ZNF280D: variants seen among roughly 807,000 people sequenced by gnomAD.
ZNF280D encodes suppressor of hairy wing homolog 4.
ZNF280D carries 39 observed loss-of-function variants against 94.7 expected under a neutral mutation model. The observed-to-expected ratio is 0.41, with a 90% CI of 0.32 to 0.54. The LOEUF (loss-of-function observed/expected upper bound fraction) is 0.54, where lower values mean the gene tolerates loss of function less well. Among genes scored for constraint, ZNF280D ranks in the 20% least tolerant of loss-of-function variants. The pLI is 0.22. For missense variants in ZNF280D, 1,090 were observed against 1,149.3 expected, an observed-to-expected ratio of 0.95 and a Z score of 0.75; for synonymous variants, 398 against 377.6, an observed-to-expected ratio of 1.05 and a Z score of -0.63.
chr15:56,656,734 C>T (rs1009377095), intron 17 of ZNF280D, among the ~76,000 whole-genome samples: 7 of 152,050 alleles, frequency 4.6e-5, no homozygotes, highest in Non-Finnish European at 1.0e-4. Context: ...ATGTGCCAGG[C>T]ACAGACAAAA....
intron 9 of ZNF280D, among the ~76,000 whole-genome samples, chr15:56,684,176 T>C (rs1278951207): frequency 6.6e-6 from 1 of 152,122 alleles, no homozygotes; most frequent in African/African-American, 2.4e-5. Context: ...AAAAGCTGTT[T>C]AAACCAGCTA....
intron 9 of ZNF280D, among the ~76,000 whole-genome samples, chr15:56,686,849 T>A (rs1200879818): frequency 6.6e-6 from 1 of 152,110 alleles, no homozygotes; most frequent in Non-Finnish European, 1.5e-5. Flanking sequence ...CTTAAAGAAT[T>A]TTCTAAGGAT....
At position 56,632,972 on chromosome 15, in the gene ZNF280D, C is replaced by CAT. The variant is rs111885858; in HGVS notation, c.2316-852_2316-851dup. 6.4e-4 allele frequency among the ~76,000 whole-genome samples: 97 copies of CAT among 151,698 alleles called. 5 individuals are homozygous for CAT. Among genetic ancestry groups the CAT allele is most frequent in the African/African-American group, 2.2e-3 (90 of 41,360 alleles). ...CTAAGTGTGTGTGCATGTTTGTACA[C>CAT]ATATATATATGTGTGCTTCTGTGTG... On this transcript the variant is annotated intron_variant, in intron 21 of 21. Coordinates refer to ENST00000267807, the MANE Select transcript of ZNF280D (RefSeq NM_017661.4).
chr15:56,688,903 T>C, intron 9 of ZNF280D, 138 bp downstream of exon 9: 1 of 529,984 alleles, frequency 1.9e-6, no homozygotes. Context: ...TATATAATCA[T>C]TATGAATGTA....
At chr15:56,723,507 T>C (rs2141432726) in intron 1 of ZNF280D, among the ~76,000 whole-genome samples, 1 of 152,326 alleles carries the variant, frequency 6.6e-6, no homozygotes, top group East Asian at 1.9e-4. Flanking sequence ...GAACCGTATA[T>C]TTTTAAATGG....
At chr15:56,711,351 C>G (rs2057748930) in intron 1 of ZNF280D, among the ~76,000 whole-genome samples, 1 of 152,130 alleles carries the variant, frequency 6.6e-6, no homozygotes, top group Non-Finnish European at 1.5e-5. Flanking sequence ...CTATTTTTAA[C>G]TCTGAGATAA....
At chr15:56,730,591 A>G (rs1286957262) in intron 1 of ZNF280D, 3 of 152,232 alleles carry the variant, frequency 2.0e-5, no homozygotes, top group Non-Finnish European at 4.4e-5. Flanking sequence ...TCTATTTACC[A>G]TAGCTTACTA....
intron 1 of ZNF280D, among the ~76,000 whole-genome samples, chr15:56,720,346 T>TA (rs1429815954): frequency 6.6e-6 from 1 of 152,186 alleles, no homozygotes; most frequent in Non-Finnish European, 1.5e-5. Flanking sequence ...TTACAGCACT[T>TA]AGTCACATCT....
chr15:56,707,533 C>T (rs756064274), intron 1 of ZNF280D, among the ~76,000 whole-genome samples: 8 of 151,992 alleles, frequency 5.3e-5, no homozygotes, highest in Non-Finnish European at 1.2e-4. Flanking sequence ...TTGTAAATTA[C>T]AAATAATTTT....
chr15:56,682,482 A>G lies in ZNF280D; in HGVS notation c.781-5T>C. 1 of 1,332,270 alleles carries G rather than the reference A, an allele frequency of 7.5e-7. No individual in the cohort carries two copies. Among genetic ancestry groups the G allele is most frequent in the African/African-American group, 1.6e-5 (1 of 64,068 alleles). The allele number at this position is 1,332,270 out of a possible 1,614,324, so 82.5% of individuals were successfully genotyped here. A position where few individuals can be genotyped will look rare whatever the true frequency, so the allele number is the denominator to read the frequency against. On this transcript the variant is annotated splice_polypyrimidine_tract_variant and splice_region_variant and intron_variant, in intron 9 of 21. Coordinates refer to ENST00000267807, the MANE Select transcript of ZNF280D (RefSeq NM_017661.4). ...TATCATGTCTGGACAACAATACTGA[A>G]AGAGAAAAAAAAAAAAAAAAAACAA...
chr15:56,669,393 C>T (rs752430351), intron 13 of ZNF280D, among the ~76,000 whole-genome samples: 4 of 151,884 alleles, frequency 2.6e-5, no homozygotes, highest in Non-Finnish European at 5.9e-5. Flanking sequence ...TCTAACCAGA[C>T]ATTTCAAAGA....
chr15:56,636,902 G>C (rs956492909), intron 20 of ZNF280D, among the ~76,000 whole-genome samples: 1 of 152,154 alleles, frequency 6.6e-6, no homozygotes, highest in African/African-American at 2.4e-5. Flanking sequence ...TTACAGGAGT[G>C]AGCCACCGTG....
chr15:56,710,173 C>T (rs933163697), intron 1 of ZNF280D, among the ~76,000 whole-genome samples: 3 of 152,114 alleles, frequency 2.0e-5, no homozygotes, highest in Non-Finnish European at 4.4e-5. Context: ...GAGGCCGAGG[C>T]GGGTGGATCA....
intron 1 of ZNF280D, among the ~76,000 whole-genome samples, chr15:56,714,611 C>T (rs1274982858): frequency 6.6e-6 from 1 of 152,148 alleles, no homozygotes; most frequent in Non-Finnish European, 1.5e-5. Flanking sequence ...AGAGGCTGCT[C>T]TTTCCAAGAA....
At chr15:56,667,097 A>G in intron 14 of ZNF280D, 111 bp from the exon 15 acceptor site, 1 of 766,994 alleles carries the variant, frequency 1.3e-6, no homozygotes, top group Non-Finnish European at 2.0e-6. Flanking sequence ...AAGCACATAT[A>G]AACTACAATC....
intron 1 of ZNF280D, chr15:56,733,137 G>C (rs2058980727): frequency 6.5e-6 from 1 of 153,018 alleles, no homozygotes; most frequent in African/African-American, 2.4e-5. Context: ...AAACCAGGCT[G>C]GGGACAAACA....
intron 1 of ZNF280D, among the ~76,000 whole-genome samples, chr15:56,712,594 CAAAAAAAAA>C (rs1171267893): frequency 2.6e-5 from 2 of 76,982 alleles, no homozygotes; most frequent in Non-Finnish European, 4.5e-5. Context: ...ACCCTCATAC[CAAAAAAAAA>C]AAAAAAAAAA....
intron 6 of ZNF280D, chr15:56,700,395 T>G (rs2056991215): frequency 1.1e-5 from 6 of 549,298 alleles, no homozygotes; most frequent in Non-Finnish European, 1.4e-5. Context: ...TGAATTTACC[T>G]ATAGCATTTA....
intron 1 of ZNF280D, among the ~76,000 whole-genome samples, chr15:56,712,789 G>A (rs1425396891): frequency 7.2e-6 from 1 of 139,504 alleles, no homozygotes; most frequent in African/African-American, 2.6e-5. Context: ...TGCTCAGGCT[G>A]GAGAGCAGTG....
Sources: allele counts gnomAD v4.1 joint callset (sites outside exome capture counted in the v4.1 genomes callset), GRCh38; gene constraint gnomAD v4.1.1; transcripts MANE v1.5; gene names NCBI Gene and HGNC (gene_info 2026-07-23, HGNC 2026-07-21).